LYST: variants seen among roughly 807,000 people sequenced by gnomAD.
LYST encodes the protein lysosomal trafficking regulator.
A neutral mutation model predicts 413.6 loss-of-function variants in LYST; 192 were observed. The ratio of observed to expected loss-of-function variants is 0.46; its 90% CI spans 0.41 to 0.52. The LOEUF (loss-of-function observed/expected upper bound fraction) is 0.52. Among genes scored for constraint, LYST ranks in the 20% least tolerant of loss-of-function variants. LYST has a pLI of 0.00. For missense variants in LYST, 3,815 were observed against 4,499.9 expected (o/e 0.85, Z 4.35); for synonymous variants, 1,525 against 1,567.3 (o/e 0.97, Z 0.64).
intron 10 of LYST, among the ~76,000 whole-genome samples, chr1:235,795,737 A>G (rs552756164): frequency 2.0e-5 from 3 of 152,320 alleles, no homozygotes; most frequent in Middle Eastern, 3.4e-3. Context: ...GGAAATCTCC[A>G]ACAGTTTTAT....
chr1:235,788,927 C>T, intron 12 of LYST, 82 bp from the exon 13 acceptor site: 1 of 1,300,788 alleles, frequency 7.7e-7, no homozygotes, highest in Non-Finnish European at 1.1e-6. Context: ...GAATACAAAG[C>T]AAATTTGTTC....
At position 235,670,208 on chromosome 1, in the gene LYST, G is replaced by A. The variant is rs542072417; in HGVS notation, c.11039-5587C>T. 5.3e-4 allele frequency among the ~76,000 whole-genome samples: 81 copies of A among 152,256 alleles called. 1 individual carries two copies. Among genetic ancestry groups the A allele is most frequent in the Admixed American group, 4.0e-3 (61 of 15,304 alleles). On this transcript the variant is annotated intron_variant, in intron 50 of 52. Coordinates refer to ENST00000389793, the MANE Select transcript of LYST (RefSeq NM_000081.4). The stretch of plus-strand genomic sequence containing the variant: ...CGGCATATTTACCATATGTAGAAAA[G>A]TTTAAGTCTTAGCCAATAATTGGGT...
In LYST at chr1:235,779,409, G is replaced by C. The variant is rs1463140494; in HGVS notation, c.5214+1456C>G. The stretch of plus-strand genomic sequence containing the variant: ...ATTAACCAAAAACTATTGAGTTAAA[G>C]TTATTACTTGAACAAACATCTGTGT... On this transcript the variant is annotated intron_variant, in intron 16 of 52. Transcript: ENST00000389793. Among the ~76,000 whole-genome samples, 7 of 152,192 alleles carry C rather than the reference G, an allele frequency of 4.6e-5. No homozygotes were observed. The East Asian group carries it at 1.3e-3, about 29-fold the overall frequency.
chr1:235,684,685 G>A (rs916069874), intron 48 of LYST, among the ~76,000 whole-genome samples: 15 of 152,162 alleles, frequency 9.9e-5, no homozygotes, highest in African/African-American at 3.4e-4. Flanking sequence ...GTGTGGTCAC[G>A]GCTTACTGCT....
chr1:235,689,921 T>C (rs1454749306), intron 47 of LYST, among the ~76,000 whole-genome samples: 1 of 152,238 alleles, frequency 6.6e-6, no homozygotes, highest in Non-Finnish European at 1.5e-5. Context: ...AATGCTTGTC[T>C]TTGTACTGGT....
Position 235,702,983 on chromosome 1 carries a change from G to C in LYST, c.10144-6C>G, listed in dbSNP as rs767186673. 7 of 1,582,054 alleles carry C rather than the reference G, an allele frequency of 4.4e-6. No homozygotes were observed. The highest frequency in any genetic ancestry group is 1.3e-5 in the African/African-American group (1 of 74,284). ...ACATCCATTCCAAAATATGTCTGCA[G>C]AGTGAAAGAGTAAAGGAACAAGACA... On this transcript the variant is annotated splice_polypyrimidine_tract_variant and splice_region_variant and intron_variant, in intron 44 of 52. Transcript: ENST00000389793.
chr1:235,737,971 CCTTTT>C (rs971430970), intron 31 of LYST: 1 of 1,370,906 alleles, frequency 7.3e-7, no homozygotes, highest in Admixed American at 2.9e-5. Flanking sequence ...ATTCTCGATT[CCTTTT>C]GTTTCCAAGT....
At chr1:235,764,485 T>G (rs1010629134) in intron 21 of LYST, among the ~76,000 whole-genome samples, 1 of 150,350 alleles carries the variant, frequency 6.7e-6, no homozygotes, top group African/African-American at 2.4e-5. Flanking sequence ...CATTTCTTTT[T>G]TTTTCTTTTC....
chr1:235,756,057 A>ATATCTATATCTATATCTG (rs1553283360), intron 24 of LYST, among the ~76,000 whole-genome samples: 3 of 113,594 alleles, frequency 2.6e-5, no homozygotes, highest in African/African-American at 9.4e-5. Context: ...ATCTATATCT[A>ATATCTATATCTATATCTG]TATCTGTATC....
intron 30 of LYST, among the ~76,000 whole-genome samples, chr1:235,742,586 A>C (rs1244895533): frequency 1.3e-5 from 2 of 151,204 alleles, no homozygotes; most frequent in African/African-American, 2.4e-5. Flanking sequence ...ATATATATAT[A>C]TATCTTACCA....
intron 1 of LYST, among the ~76,000 whole-genome samples, chr1:235,876,677 T>G (rs183460111): frequency 7.2e-4 from 109 of 152,350 alleles, no homozygotes; most frequent in African/African-American, 2.6e-3. Context: ...TGTTTGTTAG[T>G]AAAGTTCTGT....
In LYST at chr1:235,689,053, T is replaced by TA. The variant is rs1660449069; in HGVS notation, c.10702-2007dup. Among the ~76,000 whole-genome samples the TA allele has an allele frequency of 3.4e-5, 5 of 148,160 alleles. No homozygotes were observed. In the East Asian group the frequency reaches 5.8e-4, roughly 17 times the overall value. On this transcript the variant is annotated intron_variant, in intron 47 of 52. Transcript: ENST00000389793. Reference sequence around the variant, plus strand: ...ACAACAACAACAACAACAACAATAATATCCTAGCTGAATTTTCTCAAATCA... The same window carrying TA: ...ACAACAACAACAACAACAACAATAATAATCCTAGCTGAATTTTCTCAAATCA...
intron 30 of LYST, among the ~76,000 whole-genome samples, chr1:235,743,231 G>A (rs1454129917): frequency 6.6e-6 from 1 of 152,122 alleles, no homozygotes; most frequent in Non-Finnish European, 1.5e-5. Context: ...CCTGTATCTG[G>A]TTCAAAACTG....
At chr1:235,712,583 G>T (rs6665871) in intron 42 of LYST, 2 of 980,080 alleles carry the variant, frequency 2.0e-6, no homozygotes, top group South Asian at 9.4e-5. Flanking sequence ...GAAGAAGGAA[G>T]ATTTAAGTTC....
chr1:235,731,229 G>A, intron 34 of LYST, 52 bp from the exon 35 acceptor site: 2 of 1,538,124 alleles, frequency 1.3e-6, no homozygotes, highest in Non-Finnish European at 1.8e-6. Flanking sequence ...AGGACTTGTA[G>A]CTATAAAAAA....
chr1:235,738,337 T>A, intron 31 of LYST: 6 of 1,612,082 alleles, frequency 3.7e-6, no homozygotes, highest in Non-Finnish European at 5.1e-6. Context: ...TCCAGTGTAA[T>A]GTGAACATCT....
intron 28 of LYST, among the ~76,000 whole-genome samples, chr1:235,748,913 A>G (rs1421524695): frequency 1.3e-5 from 2 of 151,936 alleles, no homozygotes; most frequent in African/African-American, 2.4e-5. Context: ...AGTCCCCACA[A>G]CTCCTGCTGA....
chr1:235,692,518 T>G (rs1474149180), intron 47 of LYST, among the ~76,000 whole-genome samples: 1 of 151,834 alleles, frequency 6.6e-6, no homozygotes, highest in Non-Finnish European at 1.5e-5. Flanking sequence ...GTAGCTGGAA[T>G]TACAGGAATG....
At chr1:235,735,104 C>G (rs1277663724) in intron 31 of LYST, 1 of 152,228 alleles carries the variant, frequency 6.6e-6, no homozygotes, top group Admixed American at 6.6e-5. Flanking sequence ...AAAAAGCAAG[C>G]AAACTAGCCA....
Sources: gnomAD v4.1 joint callset for allele counts (sites outside exome capture counted in the v4.1 genomes callset) on GRCh38, gnomAD v4.1.1 for gene constraint, MANE v1.5 for transcripts, NCBI Gene and HGNC (gene_info 2026-07-23, HGNC 2026-07-21) for gene names.